Variants in KIF21A observed in about 807,000 individuals in gnomAD.
The protein encoded by KIF21A is kinesin family member 21A.
In KIF21A, 114 loss-of-function variants were observed where a neutral mutation model predicts 202.9. That is an observed-to-expected ratio of 0.56 (90% confidence interval 0.48 to 0.66). KIF21A has a LOEUF of 0.66. KIF21A is among the 30% of genes least tolerant of loss of function. The probability of loss-of-function intolerance (pLI) is 0.00; values close to 1 mark genes in which losing one functional copy is unlikely to be tolerated. For synonymous variants in KIF21A, 667 were observed against 670.8 expected, an observed-to-expected ratio of 0.99 and a Z score of 0.09; for missense variants, 1,677 against 1,994.9, an observed-to-expected ratio of 0.84 and a Z score of 3.04.
At chr12:39,415,388 C>T (rs1467783278) in intron 1 of KIF21A, among the ~76,000 whole-genome samples, 10 of 151,554 alleles carry the variant, frequency 6.6e-5, no homozygotes, top group African/African-American at 2.4e-4. Context: ...TACAGGCGCC[C>T]GCCACCACGC....
chr12:39,345,025 G>A (rs1315903519), intron 12 of KIF21A, among the ~76,000 whole-genome samples: 1 of 152,084 alleles, frequency 6.6e-6, no homozygotes, highest in Non-Finnish European at 1.5e-5. Context: ...GCACCACCTG[G>A]GAGCTTATTA....
intron 1 of KIF21A, among the ~76,000 whole-genome samples, chr12:39,404,947 C>T (rs1038660610): frequency 6.6e-5 from 10 of 151,582 alleles, no homozygotes; most frequent in Admixed American, 2.6e-4. Flanking sequence ...TAAACAAATT[C>T]TGTCTATGGA....
At chr12:39,411,518 C>T (rs1258439958) in intron 1 of KIF21A, among the ~76,000 whole-genome samples, 3 of 152,134 alleles carry the variant, frequency 2.0e-5, no homozygotes, top group South Asian at 2.1e-4. Flanking sequence ...AAATATAACA[C>T]GTATACATTT....
chr12:39,338,469 G>A (rs994559834), intron 16 of KIF21A, among the ~76,000 whole-genome samples: 46 of 152,230 alleles, frequency 3.0e-4, no homozygotes, highest in African/African-American at 1.1e-3. Flanking sequence ...ATTTAGTGTA[G>A]CTTAAGTGTG....
intron 1 of KIF21A, among the ~76,000 whole-genome samples, chr12:39,432,037 G>A (rs552725367): frequency 6.6e-6 from 1 of 152,206 alleles, no homozygotes; most frequent in South Asian, 2.1e-4. Flanking sequence ...TTTAGGACAG[G>A]ACAGGTGAAG....
At position 39,341,487 on chromosome 12, in the gene KIF21A, A is replaced by G. The variant is rs1202038564; in HGVS notation, c.1921+18T>C. ...CTTCCCAAAATGAATTTTTGCCCTT[A>G]TACCAAAGGGCAAGTACCTTTTTCA... On this transcript the variant is annotated intron_variant, in intron 14 of 37. Coordinates refer to ENST00000361418, the MANE Select transcript of KIF21A (RefSeq NM_001173464.2). The G allele has an allele frequency of 6.2e-7, 1 of 1,609,678 alleles. No homozygotes were observed. The highest frequency in any genetic ancestry group is 1.1e-5 in the South Asian group (1 of 90,994).
intron 37 of KIF21A, among the ~76,000 whole-genome samples, chr12:39,295,692 GTTTTTTTTTTT>G (rs1054983568): frequency 6.4e-5 from 5 of 78,086 alleles, no homozygotes; most frequent in Admixed American, 5.1e-4. Context: ...CTTGGGATAT[GTTTTTTTTTTT>G]TTTTTTTTTT....
chr12:39,341,183 T>G (rs1465799232), intron 14 of KIF21A, 89 bp from the exon 15 acceptor site: 1 of 1,042,330 alleles, frequency 9.6e-7, no homozygotes, highest in Non-Finnish European at 1.4e-6. Context: ...AACCATCAAC[T>G]AGGTATTTTT....
At chr12:39,325,498 A>ATTTTTTTT (rs397714587) in intron 26 of KIF21A, among the ~76,000 whole-genome samples, 28 of 121,442 alleles carry the variant, frequency 2.3e-4, no homozygotes, top group African/African-American at 5.5e-4. Context: ...CGCCCAGCTA[A>ATTTTTTTT]TTTTTTTTTT....
At position 39,416,685 on chromosome 12, in the gene KIF21A, G is replaced by GTATATATATA. The variant is rs1297735756; in HGVS notation, c.44+26241_44+26242insTATATATATA. Among the ~76,000 whole-genome samples the GTATATATATA allele has an allele frequency of 5.0e-5, 6 of 120,694 alleles. 1 individual carries two copies. The highest frequency in any genetic ancestry group is 3.3e-4 in the Admixed American group (4 of 12,010). 79.2% of individuals were successfully genotyped at this position (120,694 alleles called of 152,430 possible). On this transcript the variant is annotated intron_variant, in intron 1 of 37. Coordinates refer to ENST00000361418, the MANE Select transcript of KIF21A (RefSeq NM_001173464.2). ...TATATATATATGTACATATATATGT[G>GTATATATATA]TGTATATATATATGTACATATATAT... is the stretch of plus-strand genomic sequence containing the variant.
At chr12:39,325,695 TA>T (rs1945830018) in intron 26 of KIF21A, 143 bp downstream of exon 26, 1 of 643,448 alleles carries the variant, frequency 1.6e-6, no homozygotes, top group South Asian at 1.9e-5. Flanking sequence ...GAAATATGAT[TA>T]AAAAAACTAA....
chr12:39,392,168 C>T (rs1463097477), intron 1 of KIF21A, among the ~76,000 whole-genome samples: 1 of 152,114 alleles, frequency 6.6e-6, no homozygotes, highest in Non-Finnish European at 1.5e-5. Context: ...AGGATATTTC[C>T]AGCGAAGAGA....
At chr12:39,422,150 A>G (rs1320984780) in intron 1 of KIF21A, among the ~76,000 whole-genome samples, 2 of 150,818 alleles carry the variant, frequency 1.3e-5, no homozygotes, top group Non-Finnish European at 3.0e-5. Context: ...TTTAATAGAG[A>G]GGGTTTCATT....
At chr12:39,307,839 C>T (rs374368382) in intron 33 of KIF21A, 110 bp from the exon 34 acceptor site, 2 of 832,984 alleles carry the variant, frequency 2.4e-6, no homozygotes, top group African/African-American at 1.7e-5. Context: ...GAACAGTGTC[C>T]TTTTGTCACT....
chr12:39,341,123 C>A (rs775335121), intron 14 of KIF21A, 29 bp from the exon 15 acceptor site: 20 of 1,519,948 alleles, frequency 1.3e-5, no homozygotes, highest in Non-Finnish European at 1.7e-5. Flanking sequence ...AATAAAAATC[C>A]TGGTGCTAGG....
chr12:39,333,322 G>T, intron 17 of KIF21A, 42 bp from the exon 18 acceptor site: 1 of 1,315,172 alleles, frequency 7.6e-7, no homozygotes, highest in Non-Finnish European at 1.1e-6. Flanking sequence ...TAAAGTGAAA[G>T]ATACAATATT....
chr12:39,296,360 C>T (rs372549908), intron 37 of KIF21A, among the ~76,000 whole-genome samples: 280 of 152,128 alleles, frequency 1.8e-3, no homozygotes, highest in African/African-American at 6.4e-3. Context: ...TGAGCCACCA[C>T]GCCTGGCCAG....
chr12:39,348,882 A>T (rs1002117398), intron 11 of KIF21A, among the ~76,000 whole-genome samples: 3 of 152,082 alleles, frequency 2.0e-5, no homozygotes, highest in East Asian at 3.9e-4. Flanking sequence ...GGATTAATGT[A>T]CTCTCTTTAA....
rs531423184 is a variant in KIF21A, at chr12:39,372,888, C to T, written c.45-2627G>A. On this transcript the variant is annotated intron_variant, in intron 1 of 37. Transcript: ENST00000361418. ...AGAAATAGGGAGAGTCAGAAACAAC[C>T]TCAATTCCATGTCAATTCCTCCCTC... Among the ~76,000 whole-genome samples the T allele has an allele frequency of 3.9e-5, 6 of 152,234 alleles. No individual in the cohort carries two copies. In the East Asian group the frequency reaches 1.2e-3, roughly 29 times the overall value.
Sources: gnomAD v4.1 joint callset for allele counts (sites outside exome capture counted in the v4.1 genomes callset) on GRCh38, gnomAD v4.1.1 for gene constraint, MANE v1.5 for transcripts, NCBI Gene and HGNC (gene_info 2026-07-23, HGNC 2026-07-21) for gene names.